The following ENTPD1 variants were observed in gnomAD, a reference collection of about 807,000 sequenced individuals.
The protein encoded by ENTPD1 is ectonucleoside triphosphate diphosphohydrolase 1.
Under a neutral mutation model 57.0 loss-of-function variants are expected in ENTPD1, and 33 were observed. That is an observed-to-expected ratio of 0.58 (90% confidence interval 0.44 to 0.77). The LOEUF (loss-of-function observed/expected upper bound fraction) is 0.77, where lower values mean the gene tolerates loss of function less well. Ranked by LOEUF, ENTPD1 falls within the 30% of genes least tolerant of loss-of-function variation. The probability of loss-of-function intolerance (pLI) is 0.00; values close to 1 mark genes in which losing one functional copy is unlikely to be tolerated. For missense variants in ENTPD1, 501 were observed against 603.4 expected, an observed-to-expected ratio of 0.83 and a Z score of 1.78; for synonymous variants, 202 against 218.8, an observed-to-expected ratio of 0.92 and a Z score of 0.68.
rs370913788 is a variant in ENTPD1, at chr10:95,871,666, T to C, written c.*5283T>C. ...AGTGAAGATTGCTATGTCTTTTGCATTGCTCTATTTTACATAAATTAAGTT... is the reference window on the plus strand; with the variant it reads ...AGTGAAGATTGCTATGTCTTTTGCACTGCTCTATTTTACATAAATTAAGTT... On this transcript the variant is annotated 3_prime_UTR_variant, in exon 10 of 10. Coordinates refer to ENST00000371205, the MANE Select transcript of ENTPD1 (RefSeq NM_001776.6). The C allele has an allele frequency of 3.3e-5, 33 of 985,304 alleles. No individual in the cohort carries two copies. In the East Asian group the frequency reaches 6.8e-4, roughly 20 times the overall value. The allele number at this position is 985,304 out of a possible 1,614,324, so 61.0% of individuals were successfully genotyped here. A position where few individuals can be genotyped will look rare whatever the true frequency, so the allele number is the denominator to read the frequency against.
Position 95,845,551 on chromosome 10 carries a change from T to C in ENTPD1, c.768T>C (p.Tyr256=), listed in dbSNP as rs147598224. The C allele has an allele frequency of 3.7e-6, 6 of 1,614,130 alleles. No homozygotes were observed. In the African/African-American group the frequency reaches 5.3e-5, roughly 14 times the overall value. The change falls in exon 6 of 10, where the codon TAT becomes TAC. Residue 256 remains tyrosine, a synonymous_variant. Transcript: ENST00000371205. The stretch of plus-strand genomic sequence containing the variant: ...TCTACACACATAGCTTCTTGTGCTA[T>C]GGGAAGGATCAGGCACTCTGGCAGA... The part of the protein sequence containing the change: ...YNVYTHSFLC[Y]GKDQALWQKL...
At chr10:95,803,922 G>C (rs987689373) in intron 1 of ENTPD1, among the ~76,000 whole-genome samples, 7 of 152,086 alleles carry the variant, frequency 4.6e-5, no homozygotes, top group East Asian at 1.9e-4. Context: ...TCTACATATG[G>C]CTAGCCAGTT....
intron 7 of ENTPD1, among the ~76,000 whole-genome samples, chr10:95,855,419 G>C (rs2098452768): frequency 6.6e-6 from 1 of 151,732 alleles, no homozygotes; most frequent in African/African-American, 2.4e-5. Context: ...TTTAATTGGA[G>C]CATTTAGCCC....
In ENTPD1 at chr10:95,844,623, C is replaced by G; in HGVS notation, c.561C>G (p.Gly187=). The G allele has an allele frequency of 1.2e-6, 2 of 1,614,078 alleles. No individual in the cohort carries two copies. Among genetic ancestry groups the G allele is most frequent in the Admixed American group, 1.7e-5 (1 of 60,014 alleles). ...YGWITINYLL[G]KFSQKTRWFS... ...GGATTACTATCAACTATCTGCTGGGCAAATTCAGTCAGGTGAATATCTCAC... is the reference window on the plus strand; with the variant it reads ...GGATTACTATCAACTATCTGCTGGGGAAATTCAGTCAGGTGAATATCTCAC... Residue 187 remains glycine, a synonymous_variant, in exon 5 of 10, where the codon GGC becomes GGG. Coordinates refer to ENST00000371205, the MANE Select transcript of ENTPD1 (RefSeq NM_001776.6).
rs1056961265 is a variant in ENTPD1, at chr10:95,845,221, T to A, written c.574-136T>A. ...TTTCTTGCTGATAATCTGTTGTAGA[T>A]CAGGAGCCTCTAGTGAGCTTTGCCT... is the stretch of plus-strand genomic sequence containing the variant. On this transcript the variant is annotated intron_variant, in intron 5 of 9. Coordinates refer to ENST00000371205, the MANE Select transcript of ENTPD1 (RefSeq NM_001776.6). The A allele has an allele frequency of 8.6e-6, 10 of 1,163,486 alleles. No individual in the cohort carries two copies. In the South Asian group the frequency reaches 1.2e-4, roughly 14 times the overall value. 72.1% of individuals were successfully genotyped at this position (1,163,486 alleles called of 1,614,324 possible).
At chr10:95,713,778 A>G (rs768836475) in intron 1 of ENTPD1, among the ~76,000 whole-genome samples, 8 of 152,258 alleles carry the variant, frequency 5.3e-5, no homozygotes, top group Non-Finnish European at 8.8e-5. Context: ...CTGGAGTGAG[A>G]GACAAGGGGT....
chr10:95,756,193 G>C lies in ENTPD1; in HGVS notation c.-47G>C, dbSNP rs545239575. ...GACGGACCACAGCAAGCAGAGGCTG[G>C]GGGGGGGAAAGACGAGGAAAGAGGA... On this transcript the variant is annotated 5_prime_UTR_variant, in exon 1 of 10. Coordinates refer to ENST00000371205, the MANE Select transcript of ENTPD1 (RefSeq NM_001776.6). 180 of 1,577,968 alleles carry C rather than the reference G, an allele frequency of 1.1e-4. 2 individuals are homozygous for C. The highest frequency in any genetic ancestry group is 7.1e-4 in the Admixed American group (39 of 55,192).
At chr10:95,856,640 A>G (rs551773448) in intron 7 of ENTPD1, among the ~76,000 whole-genome samples, 1 of 132,794 alleles carries the variant, frequency 7.5e-6, no homozygotes, top group Non-Finnish European at 1.6e-5. Context: ...TGGTAAATAT[A>G]TATATGTATG....
rs1031115306 is a variant in ENTPD1 at position 95,869,145 on chromosome 10, T to C, written c.*2762T>C. Reference sequence around the variant, plus strand: ...TCAAAACTTGGTTCTGCTAACCCTGTTCCTTTATGAGGAACCTTTTAAAGA... The same window carrying C: ...TCAAAACTTGGTTCTGCTAACCCTGCTCCTTTATGAGGAACCTTTTAAAGA... On this transcript the variant is annotated 3_prime_UTR_variant, in exon 10 of 10. Coordinates refer to ENST00000371205, the MANE Select transcript of ENTPD1 (RefSeq NM_001776.6). 3.0e-6 allele frequency: 3 copies of C among 985,184 alleles called. No individual in the cohort carries two copies. Among genetic ancestry groups the C allele is most frequent in the African/African-American group, 3.5e-5 (2 of 57,204 alleles). 61.0% of individuals were successfully genotyped at this position (985,184 alleles called of 1,614,324 possible).
the ENTPD1 span, among the ~76,000 whole-genome samples, chr10:95,702,232 T>A: frequency 1.3e-5 from 2 of 152,014 alleles, no homozygotes; most frequent in South Asian, 2.1e-4. Context: ...AGACTTAAAA[T>A]ATATATATGA....
At chr10:95,718,119 G>T (rs1007439419) in intron 1 of ENTPD1, among the ~76,000 whole-genome samples, 1 of 152,180 alleles carries the variant, frequency 6.6e-6, no homozygotes, top group South Asian at 2.1e-4. Flanking sequence ...CTTGGTAAGG[G>T]GAGCTACTGG....
intron 2 of ENTPD1, among the ~76,000 whole-genome samples, chr10:95,829,608 C>T (rs758479677): frequency 2.6e-5 from 4 of 152,108 alleles, no homozygotes; most frequent in Non-Finnish European, 4.4e-5. Flanking sequence ...GAGGGTTCTT[C>T]GTACAAATAA....
chr10:95,871,729 T>C lies in ENTPD1; in HGVS notation c.*5346T>C, dbSNP rs1057193340. ...TATAATCAACTGACACCATGATCAG[T>C]GATGATGATCACCCTCATCAGCACT... On this transcript the variant is annotated 3_prime_UTR_variant, in exon 10 of 10. Coordinates refer to ENST00000371205, the MANE Select transcript of ENTPD1 (RefSeq NM_001776.6). The C allele has an allele frequency of 3.0e-6, 3 of 985,304 alleles. No individual in the cohort carries two copies. The highest frequency in any genetic ancestry group is 3.5e-5 in the African/African-American group (2 of 57,234). The allele number at this position is 985,304 out of a possible 1,614,324, so 61.0% of individuals were successfully genotyped here.
Position 95,871,243 on chromosome 10 carries a change from A to G in ENTPD1, c.*4860A>G. The stretch of plus-strand genomic sequence containing the variant: ...CATTAAATGCGATTATTTAATATAC[A>G]ATGTCTTATTAACTGAAATATAAAA... On this transcript the variant is annotated 3_prime_UTR_variant, in exon 10 of 10. Transcript: ENST00000371205. 1 of 985,068 alleles carries G rather than the reference A, an allele frequency of 1.0e-6. No individual in the cohort carries two copies. The highest frequency in any genetic ancestry group is 1.7e-5 in the African/African-American group (1 of 57,372). 61.0% of individuals were successfully genotyped at this position (985,068 alleles called of 1,614,324 possible). A position where few individuals can be genotyped will look rare whatever the true frequency, so the allele number is the denominator to read the frequency against.
intron 1 of ENTPD1, among the ~76,000 whole-genome samples, chr10:95,806,083 T>C (rs961417933): frequency 2.6e-5 from 4 of 152,226 alleles, no homozygotes; most frequent in Admixed American, 2.6e-4. Context: ...TCCTGAAGAG[T>C]GTTTTCCAAC....
rs1269611091 is a variant in ENTPD1, at chr10:95,839,678, G to A, written c.145-13G>A. On this transcript the variant is annotated splice_polypyrimidine_tract_variant and intron_variant, in intron 2 of 9. Coordinates refer to ENST00000371205, the MANE Select transcript of ENTPD1 (RefSeq NM_001776.6). ...TGTGATACTGATAAGTTTTTGGTCT[G>A]TGTTGCTTTCAGTATGGGATTGTGC... 5 of 1,613,694 alleles carry A rather than the reference G, an allele frequency of 3.1e-6. No homozygotes were observed. The Admixed American group carries it at 8.3e-5, about 27-fold the overall frequency.
At chr10:95,730,083 C>T (rs2097987630) in intron 1 of ENTPD1, among the ~76,000 whole-genome samples, 1 of 152,184 alleles carries the variant, frequency 6.6e-6, no homozygotes, top group African/African-American at 2.4e-5. Flanking sequence ...GTTACCCAGA[C>T]TGGAGTGCAG....
intron 1 of ENTPD1, among the ~76,000 whole-genome samples, chr10:95,813,764 T>C (rs2098318426): frequency 6.6e-6 from 1 of 152,308 alleles, no homozygotes; most frequent in South Asian, 2.1e-4. Context: ...AATATTTGTA[T>C]GTAACCTCTA....
At position 95,766,997 on chromosome 10, in the gene ENTPD1, A is replaced by C. The variant is rs550116866; in HGVS notation, c.16+10742A>C. On this transcript the variant is annotated intron_variant, in intron 1 of 9. Transcript: ENST00000371205. Reference sequence around the variant, plus strand: ...TGGGCTCAGGTGATCCTCCTGCCTCAGCCTTCTGAGTAGCTAGGGCTACAG... The same window carrying C: ...TGGGCTCAGGTGATCCTCCTGCCTCCGCCTTCTGAGTAGCTAGGGCTACAG... Among the ~76,000 whole-genome samples the C allele has an allele frequency of 5.9e-5, 9 of 151,880 alleles. No homozygotes were observed. In the East Asian group the frequency reaches 1.2e-3, roughly 20 times the overall value.
Sources: gnomAD v4.1 joint callset for allele counts (sites outside exome capture counted in the v4.1 genomes callset) on GRCh38, gnomAD v4.1.1 for gene constraint, MANE v1.5 for transcripts, NCBI Gene and HGNC (gene_info 2026-07-23, HGNC 2026-07-21) for gene names.